CAMTA1: variants seen among roughly 807,000 people sequenced by gnomAD.
CAMTA1 encodes calmodulin binding transcription activator 1.
Under a neutral mutation model 170.9 loss-of-function variants are expected in CAMTA1, and 27 were observed. That is an observed-to-expected ratio of 0.16 (90% confidence interval 0.12 to 0.22). The LOEUF is 0.22. Among genes scored for constraint, CAMTA1 ranks in the 10% least tolerant of loss-of-function variants. The pLI is 1.00. For missense variants in CAMTA1, 1,619 were observed against 2,217.2 expected, an observed-to-expected ratio of 0.73 and a Z score of 5.42; for synonymous variants, 833 against 891.5, an observed-to-expected ratio of 0.93 and a Z score of 1.17.
chr1:7,492,790 C>G (rs1467916221), intron 6 of CAMTA1, among the ~76,000 whole-genome samples: 1 of 142,914 alleles, frequency 7.0e-6, no homozygotes, highest in African/African-American at 2.7e-5. Context: ...CACACAAACA[C>G]AAACCTACGT....
At chr1:7,389,815 G>A (rs896998623) in intron 5 of CAMTA1, 1 of 153,018 alleles carries the variant, frequency 6.5e-6, no homozygotes, top group Admixed American at 6.5e-5. Flanking sequence ...CCCAGGCAAG[G>A]GAATCTTGGA....
intron 11 of CAMTA1, among the ~76,000 whole-genome samples, chr1:7,699,648 G>T (rs1464111159): frequency 6.6e-6 from 1 of 152,154 alleles, no homozygotes; most frequent in African/African-American, 2.4e-5. Flanking sequence ...GTGTACAAAA[G>T]TTCAAATTTC....
At chr1:7,059,204 T>TTGAA (rs1160757793) in intron 3 of CAMTA1, among the ~76,000 whole-genome samples, 1 of 152,180 alleles carries the variant, frequency 6.6e-6, no homozygotes, top group Non-Finnish European at 1.5e-5. Context: ...AAGGACTTCT[T>TTGAA]TGAAGTTCCT....
At chr1:6,917,560 G>C (rs886696465) in intron 3 of CAMTA1, among the ~76,000 whole-genome samples, 1 of 151,918 alleles carries the variant, frequency 6.6e-6, no homozygotes, top group Non-Finnish European at 1.5e-5. Flanking sequence ...AGACATTGAG[G>C]GTGGGGGGAA....
chr1:7,271,055 C>T (rs1409391420), intron 5 of CAMTA1, among the ~76,000 whole-genome samples: 1 of 152,126 alleles, frequency 6.6e-6, no homozygotes, highest in African/African-American at 2.4e-5. Context: ...TGCATATCCC[C>T]CCAATTTTTA....
At chr1:7,276,293 A>ATTTT (rs1372402055) in intron 5 of CAMTA1, among the ~76,000 whole-genome samples, 55 of 22,034 alleles carry the variant, frequency 2.5e-3, no homozygotes, top group South Asian at 4.7e-3. Context: ...ATATATATAT[A>ATTTT]TATATATATA....
intron 5 of CAMTA1, among the ~76,000 whole-genome samples, chr1:7,250,318 G>T (rs888033461): frequency 1.3e-5 from 2 of 152,218 alleles, no homozygotes; most frequent in African/African-American, 4.8e-5. Context: ...ATGTGTCACA[G>T]CCGTAGAGGG....
chr1:7,032,038 T>C (rs1299894759), intron 3 of CAMTA1, among the ~76,000 whole-genome samples: 3 of 152,184 alleles, frequency 2.0e-5, no homozygotes, highest in Admixed American at 1.3e-4. Flanking sequence ...TGATCTTGGC[T>C]CACTGCAACC....
intron 5 of CAMTA1, among the ~76,000 whole-genome samples, chr1:7,289,736 G>A (rs1266100831): frequency 6.6e-6 from 1 of 152,158 alleles, no homozygotes; most frequent in African/African-American, 2.4e-5. Flanking sequence ...CACAGACTCA[G>A]GGCAGGCATG....
In CAMTA1 at chr1:7,744,882, C is replaced by A. The variant is rs1369093241; in HGVS notation, c.4230C>A (p.Asp1410Glu). The stretch of plus-strand genomic sequence containing the variant: ...AACACATTATTGAAGCCACACCTGA[C>A]CGAATCAAGCAGGAGAATTTTGTGC... ...LAEHIIEATPDRIKQENFVPM... is the reference protein window; with the variant it reads ...LAEHIIEATPERIKQENFVPM... Residue 1410 changes from aspartate (D) to glutamate (E), a missense_variant, in exon 17 of 23, where the codon GAC becomes GAA. Physicochemically the swap from Asp to Glu is conservative, Grantham distance 45. This residue lies in a region of CAMTA1 where 370 missense variants were observed against 429.4 expected (regional missense o/e 0.86). Coordinates refer to ENST00000303635, the MANE Select transcript of CAMTA1 (RefSeq NM_015215.4). 1.2e-6 allele frequency: 2 copies of A among 1,614,020 alleles called. No individual in the cohort carries two copies. Among genetic ancestry groups the A allele is most frequent in the Non-Finnish European group, 1.7e-6 (2 of 1,180,012 alleles).
At chr1:6,936,298 G>A (rs150475496) in intron 3 of CAMTA1, among the ~76,000 whole-genome samples, 73 of 152,318 alleles carry the variant, frequency 4.8e-4, no homozygotes, top group African/African-American at 1.5e-3. Flanking sequence ...GAAGCCACTC[G>A]ATGTTTTGTA....
At chr1:7,252,230 C>T (rs190155415) in intron 5 of CAMTA1, among the ~76,000 whole-genome samples, 6 of 152,306 alleles carry the variant, frequency 3.9e-5, no homozygotes, top group Admixed American at 2.0e-4. Flanking sequence ...CCAGAACTGG[C>T]GATTACAGTT....
intron 4 of CAMTA1, among the ~76,000 whole-genome samples, chr1:7,176,421 G>C (rs1031400886): frequency 1.3e-5 from 2 of 152,194 alleles, no homozygotes; most frequent in African/African-American, 4.8e-5. Flanking sequence ...CTGTACAGAG[G>C]GAGGGACCTT....
At chr1:7,378,128 T>C (rs2086988147) in intron 5 of CAMTA1, among the ~76,000 whole-genome samples, 1 of 152,174 alleles carries the variant, frequency 6.6e-6, no homozygotes, top group Non-Finnish European at 1.5e-5. Context: ...GAGTCTGTCC[T>C]GGGAGATGGT....
rs773373215 is a variant in CAMTA1, at chr1:7,635,343, C to T, written c.511-5057C>T. Among the ~76,000 whole-genome samples the T allele has an allele frequency of 2.5e-4, 38 of 152,300 alleles. No homozygotes were observed. The highest frequency in any genetic ancestry group is 5.1e-4 in the Non-Finnish European group (35 of 68,018). Reference sequence around the variant, plus strand: ...AGGATCCGGGCCGGGCGTGGTGGCTCACGCCTGTAATCCCAGCACTTTGGA... The same window carrying T: ...AGGATCCGGGCCGGGCGTGGTGGCTTACGCCTGTAATCCCAGCACTTTGGA... On this transcript the variant is annotated intron_variant, in intron 6 of 22. Coordinates refer to ENST00000303635, the MANE Select transcript of CAMTA1 (RefSeq NM_015215.4). The surrounding 1 kb of genome is among the most constrained non-coding windows in gnomAD (Gnocchi z 4.4).
At position 7,146,739 on chromosome 1, in the gene CAMTA1, A is replaced by C. The variant is rs561151201; in HGVS notation, c.302+55368A>C. ...GCGTATTGCACACACACAAACACAC[A>C]CTCAAACATAAACCATGCACACACA... On this transcript the variant is annotated intron_variant, in intron 4 of 22. Transcript: ENST00000303635. The surrounding 1 kb of genome is among the most constrained non-coding windows in gnomAD (Gnocchi z 4.3). Among the ~76,000 whole-genome samples the C allele has an allele frequency of 5.9e-5, 9 of 152,080 alleles. 1 individual carries two copies. The South Asian group carries it at 1.9e-3, about 32-fold the overall frequency.
At chr1:7,261,208 C>G (rs1425107943) in intron 5 of CAMTA1, among the ~76,000 whole-genome samples, 3 of 152,188 alleles carry the variant, frequency 2.0e-5, no homozygotes, top group African/African-American at 7.2e-5. Context: ...CCTTCCTTCC[C>G]TCTGGTTCCT....
At chr1:7,269,713 G>T (rs1332279196) in intron 5 of CAMTA1, among the ~76,000 whole-genome samples, 1 of 152,184 alleles carries the variant, frequency 6.6e-6, no homozygotes, top group Admixed American at 6.5e-5. Context: ...GAGTGTGGTA[G>T]AGTATCAGAG....
chr1:7,458,690 G>A (rs1221665487), intron 5 of CAMTA1, among the ~76,000 whole-genome samples: 2 of 152,236 alleles, frequency 1.3e-5, no homozygotes, highest in African/African-American at 4.8e-5. Context: ...TAACCTGAAG[G>A]CATCAGGGTT....
Sources: gnomAD v4.1 joint callset for allele counts (sites outside exome capture counted in the v4.1 genomes callset) on GRCh38, gnomAD v4.1.1 for gene constraint, gnomAD v4.1.1 regional missense constraint, Gnocchi (gnomAD v3.1) non-coding constraint, MANE v1.5 for transcripts, NCBI Gene and HGNC (gene_info 2026-07-23, HGNC 2026-07-21) for gene names.